The following PTPN13 variants were observed in gnomAD, a reference collection of about 807,000 sequenced individuals.
PTPN13 encodes tyrosine-protein phosphatase non-receptor type 13.
A neutral mutation model predicts 284.0 loss-of-function variants in PTPN13; 191 were observed. That is an observed-to-expected ratio of 0.67 (90% confidence interval 0.60 to 0.76). The LOEUF (loss-of-function observed/expected upper bound fraction) is 0.76, where lower values mean the gene tolerates loss of function less well. PTPN13 is among the 30% of genes least tolerant of loss of function. The pLI, the probability that PTPN13 is intolerant of heterozygous loss-of-function variation, is 0.00. For synonymous variants in PTPN13, 986 were observed against 1,022.3 expected (o/e 0.96, Z 0.68); for missense variants, 2,797 against 2,939.9 (o/e 0.95, Z 1.12).
At chr4:86,772,572 A>AT (rs1175350009) in intron 31 of PTPN13, among the ~76,000 whole-genome samples, 1 of 152,162 alleles carries the variant, frequency 6.6e-6, no homozygotes, top group Non-Finnish European at 1.5e-5. Context: ...CAACAAAAAA[A>AT]ACCTAGACAG....
At chr4:86,746,630 T>G (rs190513127) in intron 17 of PTPN13, among the ~76,000 whole-genome samples, 13 of 152,276 alleles carry the variant, frequency 8.5e-5, no homozygotes, top group Middle Eastern at 3.4e-3. Context: ...GTAATGTTTT[T>G]TTTTGTTTTG....
Position 86,750,633 on chromosome 4 carries a change from A to G in PTPN13, c.2814A>G (p.Ser938=). ...QAEILKRLSC[S]ELSLYQPLQN... is the part of the protein sequence containing the mutation. ...AGATTCTGAAGAGGCTATCCTGCTC[A>G]GAGCTGTCGCTTTACCAGCCATTGC... is the stretch of plus-strand genomic sequence containing the variant. Residue 938 remains serine (S), a synonymous_variant, in exon 18 of 48, where the codon TCA becomes TCG. Transcript: ENST00000411767. The G allele has an allele frequency of 6.2e-7, 1 of 1,614,008 alleles. No homozygotes were observed.
intron 2 of PTPN13, among the ~76,000 whole-genome samples, chr4:86,668,385 T>A (rs1483140795): frequency 1.3e-5 from 2 of 152,194 alleles, no homozygotes; most frequent in African/African-American, 4.8e-5. Context: ...ATTCCCTCAC[T>A]TGCAGGTTTG....
intron 7 of PTPN13, among the ~76,000 whole-genome samples, chr4:86,704,542 T>C (rs115366675): frequency 0.012 from 1,752 of 152,340 alleles, 10 homozygotes; most frequent in Non-Finnish European, 0.013. Flanking sequence ...TTTCTACATA[T>C]GCTTTTATAT....
At chr4:86,654,868 G>T (rs897187878) in intron 2 of PTPN13, among the ~76,000 whole-genome samples, 20 of 152,236 alleles carry the variant, frequency 1.3e-4, no homozygotes, top group Middle Eastern at 3.4e-3. Context: ...ATTATTGTGT[G>T]GGAGTCTAAG....
At chr4:86,674,721 T>C (rs1728088297) in intron 3 of PTPN13, among the ~76,000 whole-genome samples, 1 of 152,186 alleles carries the variant, frequency 6.6e-6, no homozygotes, top group Non-Finnish European at 1.5e-5. Context: ...AGATGAAGTA[T>C]TTGAAAAGAA....
intron 16 of PTPN13, 37 bp downstream of exon 16, chr4:86,741,853 AT>A (rs2149170237): frequency 6.6e-7 from 1 of 1,514,220 alleles, no homozygotes; most frequent in Non-Finnish European, 8.9e-7. Context: ...ATATTTTCAA[AT>A]GATATTACCA....
At chr4:86,670,689 A>C (rs1006170556) in intron 2 of PTPN13, among the ~76,000 whole-genome samples, 1 of 152,132 alleles carries the variant, frequency 6.6e-6, no homozygotes, top group African/African-American at 2.4e-5. Context: ...ACAGAAATTG[A>C]TTTTAGATTG....
At chr4:86,699,366 A>T (rs1034864547) in intron 6 of PTPN13, among the ~76,000 whole-genome samples, 1 of 151,894 alleles carries the variant, frequency 6.6e-6, no homozygotes, top group Non-Finnish European at 1.5e-5. Flanking sequence ...AGCCTGGGAG[A>T]CGGAGCGAGA....
chr4:86,763,811 C>T (rs1171314765), intron 24 of PTPN13, among the ~76,000 whole-genome samples: 1 of 151,902 alleles, frequency 6.6e-6, no homozygotes, highest in African/African-American at 2.4e-5. Flanking sequence ...CCTTGGGAGG[C>T]TGGGTGGGAG....
chr4:86,714,215 T>G (rs540207751), intron 7 of PTPN13, among the ~76,000 whole-genome samples: 1 of 152,262 alleles, frequency 6.6e-6, no homozygotes, highest in African/African-American at 2.4e-5. Flanking sequence ...TCAGAATTTC[T>G]TTAATCTTCT....
chr4:86,786,430 A>T (rs1427302080), intron 40 of PTPN13, among the ~76,000 whole-genome samples: 1 of 152,176 alleles, frequency 6.6e-6, no homozygotes, highest in Non-Finnish European at 1.5e-5. Context: ...TACACTAGTT[A>T]TCATGCATGC....
rs138493007 is a variant in PTPN13, at chr4:86,697,270, G to C, written c.634+3596G>C. Among the ~76,000 whole-genome samples the C allele has an allele frequency of 1.1e-3, 172 of 152,162 alleles. 1 individual carries two copies. The highest frequency in any genetic ancestry group is 3.9e-3 in the African/African-American group (162 of 41,546). On this transcript the variant is annotated intron_variant, in intron 6 of 47. Transcript: ENST00000411767. The stretch of plus-strand genomic sequence containing the variant: ...AAATCTGTATGTGGTGATAGCATTA[G>C]TTTATTAGGCTCCTGACTACAGGAG...
At chr4:86,799,341 T>A (rs1020100805) in intron 42 of PTPN13, 137 bp downstream of exon 42, 40 of 524,824 alleles carry the variant, frequency 7.6e-5, no homozygotes, top group Non-Finnish European at 1.2e-4. Context: ...TTTCTTTTTT[T>A]GAGACAGAGG....
At chr4:86,602,342 C>G (rs553734333) in intron 1 of PTPN13, among the ~76,000 whole-genome samples, 1 of 152,150 alleles carries the variant, frequency 6.6e-6, no homozygotes, top group South Asian at 2.1e-4. Flanking sequence ...AGGATGATAA[C>G]CAAGCCTACT....
At chr4:86,680,742 C>A (rs1578403185) in intron 3 of PTPN13, among the ~76,000 whole-genome samples, 1 of 152,126 alleles carries the variant, frequency 6.6e-6, no homozygotes, top group African/African-American at 2.4e-5. Flanking sequence ...GAGTCTGGTC[C>A]CAACTACCTT....
Position 86,734,781 on chromosome 4 carries a change from A to T in PTPN13, c.2057A>T (p.Asp686Val). ...CHQYYLQLRKDILEERMHCDD... is the reference protein window; with the variant it reads ...CHQYYLQLRKVILEERMHCDD... Reference sequence around the variant, plus strand: ...CAGTATTACCTTCAGCTTCGAAAAGATATTTTGGAGGAAAGGATGCACTGT... The same window carrying T: ...CAGTATTACCTTCAGCTTCGAAAAGTTATTTTGGAGGAAAGGATGCACTGT... The change falls in exon 14 of 48, where the codon GAT becomes GTT. Residue 686 changes from aspartate (D) to valine (V), a missense_variant. Transcript: ENST00000411767. The T allele has an allele frequency of 6.2e-7, 1 of 1,613,316 alleles. No homozygotes were observed. Among genetic ancestry groups the T allele is most frequent in the Middle Eastern group, 1.7e-4 (1 of 6,060 alleles).
At chr4:86,636,057 G>A (rs947343712) in intron 2 of PTPN13, among the ~76,000 whole-genome samples, 1 of 152,000 alleles carries the variant, frequency 6.6e-6, no homozygotes, top group Non-Finnish European at 1.5e-5. Flanking sequence ...CTAAAAAGGA[G>A]GGATTCAGTG....
intron 7 of PTPN13, among the ~76,000 whole-genome samples, chr4:86,707,516 A>G (rs1300899593): frequency 1.3e-5 from 2 of 152,304 alleles, no homozygotes; most frequent in Admixed American, 6.5e-5. Context: ...GATTGAATTT[A>G]AAAGTTTACA....
Sources: gnomAD v4.1 joint callset for allele counts (sites outside exome capture counted in the v4.1 genomes callset) on GRCh38, gnomAD v4.1.1 for gene constraint, MANE v1.5 for transcripts, NCBI Gene and HGNC (gene_info 2026-07-23, HGNC 2026-07-21) for gene names.